PARD3B: variants seen among roughly 807,000 people sequenced by gnomAD.
PARD3B encodes partitioning defective 3 homolog B.
A neutral mutation model predicts 130.2 loss-of-function variants in PARD3B; 103 were observed. The observed-to-expected ratio is 0.79, with a 90% CI of 0.67 to 0.93. The LOEUF (loss-of-function observed/expected upper bound fraction) is 0.93, where lower values mean the gene tolerates loss of function less well. PARD3B is among the 40% of genes least tolerant of loss of function. The probability of loss-of-function intolerance (pLI) is 0.00; values close to 1 mark genes in which losing one functional copy is unlikely to be tolerated. For synonymous variants in PARD3B, 583 were observed against 553.2 expected, an observed-to-expected ratio of 1.05 and a Z score of -0.76; for missense variants, 1,609 against 1,499.2, an observed-to-expected ratio of 1.07 and a Z score of -1.21.
chr2:204,772,935 A>T (rs2041451069), intron 2 of PARD3B, among the ~76,000 whole-genome samples: 1 of 152,004 alleles, frequency 6.6e-6, no homozygotes, highest in Non-Finnish European at 1.5e-5. Flanking sequence ...CCCAGCTCCT[A>T]TTCTTTATAA....
At chr2:205,516,835 C>T (rs867801827) in intron 21 of PARD3B, among the ~76,000 whole-genome samples, 4 of 152,162 alleles carry the variant, frequency 2.6e-5, no homozygotes, top group African/African-American at 9.6e-5. Flanking sequence ...GCATTCTTGT[C>T]TTGTGACAGA....
intron 3 of PARD3B, among the ~76,000 whole-genome samples, chr2:205,013,685 G>T (rs143337130): frequency 6.6e-6 from 1 of 152,248 alleles, no homozygotes; most frequent in Non-Finnish European, 1.5e-5. Context: ...AATCAGTATC[G>T]ACTGCTTCTT....
At chr2:204,728,949 A>G (rs2039365352) in intron 2 of PARD3B, among the ~76,000 whole-genome samples, 1 of 152,156 alleles carries the variant, frequency 6.6e-6, no homozygotes, top group Non-Finnish European at 1.5e-5. Context: ...GAGAGAGGAC[A>G]TTACTCTTAA....
intron 2 of PARD3B, among the ~76,000 whole-genome samples, chr2:204,807,499 A>T (rs1334286929): frequency 6.6e-6 from 1 of 152,178 alleles, no homozygotes; most frequent in East Asian, 1.9e-4. Context: ...CTGGGTATTT[A>T]TCCAAAGAAA....
chr2:205,130,591 C>A (rs565473359), intron 10 of PARD3B, among the ~76,000 whole-genome samples: 1 of 152,256 alleles, frequency 6.6e-6, no homozygotes, highest in South Asian at 2.1e-4. Flanking sequence ...TCTGCCCTTT[C>A]TTTGTTAACC....
chr2:204,560,911 G>A (rs1189385496), intron 1 of PARD3B, among the ~76,000 whole-genome samples: 1 of 151,994 alleles, frequency 6.6e-6, no homozygotes, highest in African/African-American at 2.4e-5. Context: ...TGAGGTTTAG[G>A]GGGCAAAGTA....
chr2:204,597,917 C>G (rs996327022), intron 1 of PARD3B, among the ~76,000 whole-genome samples: 3 of 152,116 alleles, frequency 2.0e-5, no homozygotes, highest in African/African-American at 7.2e-5. Context: ...ATCACTGTAC[C>G]TTTGTTTAGT....
At chr2:205,238,767 G>A (rs1574475296) in intron 15 of PARD3B, among the ~76,000 whole-genome samples, 1 of 144,354 alleles carries the variant, frequency 6.9e-6, no homozygotes, top group East Asian at 2.1e-4. Flanking sequence ...AGGAGGCAGA[G>A]GTTGCAGTGA....
At chr2:204,873,744 C>T (rs556737764) in intron 2 of PARD3B, among the ~76,000 whole-genome samples, 2 of 152,186 alleles carry the variant, frequency 1.3e-5, no homozygotes, top group African/African-American at 2.4e-5. Flanking sequence ...CACCTGAGTC[C>T]ACGTAATGAT....
chr2:204,636,182 A>C (rs2034868002), intron 1 of PARD3B, among the ~76,000 whole-genome samples: 1 of 152,108 alleles, frequency 6.6e-6, no homozygotes, highest in African/African-American at 2.4e-5. Flanking sequence ...TCAAAGCATA[A>C]ACCTTGTTTT....
chr2:204,954,481 G>T (rs547709731), intron 2 of PARD3B, among the ~76,000 whole-genome samples: 3 of 152,320 alleles, frequency 2.0e-5, no homozygotes, highest in South Asian at 2.1e-4. Flanking sequence ...TGCTAAACGT[G>T]TTCATGCTAA....
intron 16 of PARD3B, among the ~76,000 whole-genome samples, chr2:205,248,380 T>TTGG (rs751935440): frequency 0.028 from 4,137 of 145,298 alleles, 89 homozygotes; most frequent in African/African-American, 0.052. Flanking sequence ...TCATTGGGAT[T>TTGG]TGGTGGTGGT....
intron 2 of PARD3B, among the ~76,000 whole-genome samples, chr2:204,894,916 A>G (rs891733214): frequency 6.6e-6 from 1 of 152,114 alleles, no homozygotes; most frequent in Non-Finnish European, 1.5e-5. Flanking sequence ...AATAAACTTG[A>G]TTAGAAGAAA....
chr2:205,095,153 C>A (rs1235483201), intron 4 of PARD3B, among the ~76,000 whole-genome samples: 1 of 152,046 alleles, frequency 6.6e-6, no homozygotes, highest in African/African-American at 2.4e-5. Flanking sequence ...TTCACCCTTT[C>A]AATAATAAAC....
rs957666932 is a variant in PARD3B, at chr2:205,230,905, A to T, written c.2141-14873A>T. Among the ~76,000 whole-genome samples the T allele has an allele frequency of 6.1e-4, 93 of 152,084 alleles. No individual in the cohort carries two copies. Among genetic ancestry groups the T allele is most frequent in the African/African-American group, 2.2e-3 (92 of 41,490 alleles). On this transcript the variant is annotated intron_variant, in intron 15 of 22. Transcript: ENST00000406610. This position sits in a 1 kb window ranked among gnomAD's most constrained non-coding sequence, Gnocchi z 4.1. ...CTGCCTGGTGTTGCTTTCCACCATG[A>T]CAGGGTGGAAAGCACTGAGTTCCAG...
At chr2:204,822,363 G>T (rs572151806) in intron 2 of PARD3B, among the ~76,000 whole-genome samples, 1 of 152,240 alleles carries the variant, frequency 6.6e-6, no homozygotes, top group East Asian at 1.9e-4. Flanking sequence ...GGTTTCTTCA[G>T]GTGAGATCTA....
Position 204,585,450 on chromosome 2 carries a change from C to T in PARD3B, c.120+39331C>T, listed in dbSNP as rs149757978. ...TGGGCCTGAAGTGATCTTCCCATCT[C>T]AGCCTCCTAAGTAGCTGGGACTACA... On this transcript the variant is annotated intron_variant, in intron 1 of 22. Coordinates refer to ENST00000406610, the MANE Select transcript of PARD3B (RefSeq NM_001302769.2). 5.6e-3 allele frequency among the ~76,000 whole-genome samples: 849 copies of T among 152,114 alleles called. 4 individuals carry two copies. The highest frequency in any genetic ancestry group is 0.019 in the African/African-American group (791 of 41,490).
At chr2:204,961,234 C>T (rs13396728) in intron 2 of PARD3B, among the ~76,000 whole-genome samples, 3,247 of 152,114 alleles carry the variant, frequency 0.021, 112 homozygotes, top group African/African-American at 0.074. Context: ...CTGTGTTGCG[C>T]GCAGGGGAAA....
intron 2 of PARD3B, among the ~76,000 whole-genome samples, chr2:204,732,120 C>T (rs997293669): frequency 6.6e-6 from 1 of 151,164 alleles, no homozygotes. Flanking sequence ...AAAGTGTGTC[C>T]AGCAAGGAAT....
Sources: allele counts gnomAD v4.1 joint callset (sites outside exome capture counted in the v4.1 genomes callset), GRCh38; gene constraint gnomAD v4.1.1; non-coding constraint Gnocchi (gnomAD v3.1); transcripts MANE v1.5; gene names NCBI Gene and HGNC (gene_info 2026-07-23, HGNC 2026-07-21).